The following AKAP6 variants were observed in gnomAD, a reference collection of about 807,000 sequenced individuals.
AKAP6 encodes the protein A-kinase anchor protein 6.
A neutral mutation model predicts 188.5 loss-of-function variants in AKAP6; 58 were observed. The ratio of observed to expected loss-of-function variants is 0.31; its 90% CI spans 0.25 to 0.38. The LOEUF (loss-of-function observed/expected upper bound fraction) is 0.38, where lower values mean the gene tolerates loss of function less well. Among genes scored for constraint, AKAP6 ranks in the 10% least tolerant of loss-of-function variants. The pLI is 1.00. For missense variants in AKAP6, 2,710 were observed against 2,740.0 expected (o/e 0.99, Z 0.24); for synonymous variants, 989 against 998.6 (o/e 0.99, Z 0.18).
intron 1 of AKAP6, among the ~76,000 whole-genome samples, chr14:32,349,649 T>C (rs1887196247): frequency 6.6e-6 from 1 of 152,216 alleles, no homozygotes; most frequent in African/African-American, 2.4e-5. Context: ...GTGATTACTA[T>C]GTGTCAGGCT....
intron 9 of AKAP6, among the ~76,000 whole-genome samples, chr14:32,725,927 G>A (rs1379917905): frequency 6.6e-6 from 1 of 152,110 alleles, no homozygotes; most frequent in African/African-American, 2.4e-5. Flanking sequence ...GAGTGTATTA[G>A]CAAACAATGT....
chr14:32,642,109 C>T (rs1171200007), intron 7 of AKAP6, among the ~76,000 whole-genome samples: 1 of 152,118 alleles, frequency 6.6e-6, no homozygotes, highest in Non-Finnish European at 1.5e-5. Flanking sequence ...ACTAGCATAT[C>T]AGTATTATTT....
intron 1 of AKAP6, among the ~76,000 whole-genome samples, chr14:32,408,645 C>T (rs1889375077): frequency 6.6e-6 from 1 of 151,876 alleles, no homozygotes; most frequent in Admixed American, 6.6e-5. Flanking sequence ...TGAGTGTGAC[C>T]TGACCTTAGT....
chr14:32,640,264 T>G (rs537928893), intron 7 of AKAP6, among the ~76,000 whole-genome samples: 2 of 152,262 alleles, frequency 1.3e-5, no homozygotes, highest in Admixed American at 1.3e-4. Flanking sequence ...CTTAATGATA[T>G]TTCATTAGCT....
At chr14:32,766,169 C>T (rs534124836) in intron 11 of AKAP6, among the ~76,000 whole-genome samples, 71 of 152,076 alleles carry the variant, frequency 4.7e-4, no homozygotes, top group African/African-American at 1.5e-3. Context: ...AAGGTTCATC[C>T]ATGTTATGAT....
At chr14:32,638,705 A>C (rs146452104) in intron 7 of AKAP6, among the ~76,000 whole-genome samples, 92 of 151,878 alleles carry the variant, frequency 6.1e-4, no homozygotes, top group African/African-American at 2.0e-3. Flanking sequence ...TTGAGTTTTA[A>C]CTACCAAAGC....
Position 32,822,435 on chromosome 14 carries a change from A to C in AKAP6, c.4622A>C (p.Tyr1541Ser). The C allele has an allele frequency of 6.2e-7, 1 of 1,614,062 alleles. No individual in the cohort carries two copies. Among genetic ancestry groups the C allele is most frequent in the Non-Finnish European group, 8.5e-7 (1 of 1,179,962 alleles). Residue 1541 changes from tyrosine (Y) to serine (S), a missense_variant, in exon 13 of 14, where the codon TAT (tyrosine) becomes TCT (serine). This residue lies in a region of AKAP6 where 2,473 missense variants were observed against 2,426.1 expected (regional missense o/e 1.02). Coordinates refer to ENST00000280979, the MANE Select transcript of AKAP6 (RefSeq NM_004274.5). ...TCTCATGAAATGGATCGCATTTCAT[A>C]TAAAAGTGGCAATATAGAAAAGACA... Reference protein sequence around the residue: ...SASHEMDRISYKSGNIEKTFT... With the variant: ...SASHEMDRISSKSGNIEKTFT...
chr14:32,795,312 ACCT>A (rs1314142996), intron 12 of AKAP6, among the ~76,000 whole-genome samples: 1 of 152,092 alleles, frequency 6.6e-6, no homozygotes, highest in Non-Finnish European at 1.5e-5. Flanking sequence ...TGATACCAAA[ACCT>A]GGCAGAGATG....
rs1302682906 is a variant in AKAP6, at chr14:32,362,057, A to G, written c.-35+32649A>G. On this transcript the variant is annotated intron_variant, in intron 1 of 13. Coordinates refer to ENST00000280979, the MANE Select transcript of AKAP6 (RefSeq NM_004274.5). ...AATTAGCTAGCACAGTGCTTGGCCT[A>G]TTGTAGGTATTCAGTAAATGCTGTG... Among the ~76,000 whole-genome samples the G allele has an allele frequency of 2.6e-5, 4 of 152,158 alleles. No homozygotes were observed. In the East Asian group the frequency reaches 7.7e-4, roughly 29 times the overall value.
At chr14:32,353,211 CACCCTTCTTT>C (rs1355184562) in intron 1 of AKAP6, among the ~76,000 whole-genome samples, 1 of 152,136 alleles carries the variant, frequency 6.6e-6, no homozygotes, top group African/African-American at 2.4e-5. Context: ...CAAATTGGTA[CACCCTTCTTT>C]ACCTCCTTTC....
intron 12 of AKAP6, among the ~76,000 whole-genome samples, chr14:32,813,308 A>G (rs2034287326): frequency 6.6e-6 from 1 of 151,864 alleles, no homozygotes; most frequent in African/African-American, 2.4e-5. Context: ...CCCACCTAGC[A>G]TCTCCAGGTG....
intron 2 of AKAP6, among the ~76,000 whole-genome samples, chr14:32,463,311 C>T (rs561244882): frequency 2.6e-4 from 39 of 152,292 alleles, no homozygotes; most frequent in African/African-American, 9.4e-4. Flanking sequence ...TTCTCAGTGC[C>T]ACATAGCACT....
chr14:32,416,883 T>TG (rs1361886990), intron 1 of AKAP6, among the ~76,000 whole-genome samples: 1 of 152,016 alleles, frequency 6.6e-6, no homozygotes, highest in African/African-American at 2.4e-5. Context: ...TCACCCAGGC[T>TG]GGTGTTCTGG....
chr14:32,531,564 T>C (rs1352655287), intron 2 of AKAP6, among the ~76,000 whole-genome samples: 1 of 148,936 alleles, frequency 6.7e-6, no homozygotes, highest in Non-Finnish European at 1.5e-5. Flanking sequence ...ATGTGTAGAT[T>C]TGCATAACAC....
intron 1 of AKAP6, among the ~76,000 whole-genome samples, chr14:32,378,831 A>C (rs986019075): frequency 6.6e-6 from 1 of 152,164 alleles, no homozygotes; most frequent in Non-Finnish European, 1.5e-5. Context: ...TTTCCGGATA[A>C]CTGAAACTAA....
At chr14:32,732,747 G>T in intron 10 of AKAP6, 147 bp downstream of exon 10, 5 of 897,130 alleles carry the variant, frequency 5.6e-6, no homozygotes, top group South Asian at 3.2e-5. Context: ...TGCTATTATG[G>T]GAAAGACACT....
chr14:32,813,594 G>A (rs1310574275), intron 12 of AKAP6, among the ~76,000 whole-genome samples: 1 of 152,072 alleles, frequency 6.6e-6, no homozygotes. Context: ...AGGAAATTCC[G>A]AGGGCTTTAG....
chr14:32,819,522 G>A (rs917027316), intron 12 of AKAP6, among the ~76,000 whole-genome samples: 2 of 152,254 alleles, frequency 1.3e-5, no homozygotes, highest in Middle Eastern at 3.4e-3. Context: ...CTGTCTTTCT[G>A]CCAAGTCGTG....
chr14:32,373,737 G>A (rs7159653), intron 1 of AKAP6, among the ~76,000 whole-genome samples: 140,995 of 152,212 alleles, frequency 0.93, 65,652 homozygotes, highest in East Asian at 1. Context: ...TAGAAGCAAG[G>A]TGCAGTCAGT....
Sources: gnomAD v4.1 joint callset for allele counts (sites outside exome capture counted in the v4.1 genomes callset) on GRCh38, gnomAD v4.1.1 for gene constraint, gnomAD v4.1.1 regional missense constraint, MANE v1.5 for transcripts, NCBI Gene and HGNC (gene_info 2026-07-23, HGNC 2026-07-21) for gene names.